Variants in TMEM117 observed in about 807,000 individuals in gnomAD.
TMEM117 encodes transmembrane protein 117.
In TMEM117, 27 loss-of-function variants were observed where a neutral mutation model predicts 52.4. The observed-to-expected ratio is 0.51, with a 90% CI of 0.38 to 0.71. TMEM117 has a LOEUF of 0.71. Ranked by LOEUF, TMEM117 falls within the 30% of genes least tolerant of loss-of-function variation. The probability of loss-of-function intolerance (pLI) is 0.00; values close to 1 mark genes in which losing one functional copy is unlikely to be tolerated. For missense variants in TMEM117, 556 were observed against 630.5 expected (o/e 0.88, Z 1.26); for synonymous variants, 215 against 206.3 (o/e 1.04, Z -0.36).
intron 6 of TMEM117, among the ~76,000 whole-genome samples, chr12:44,311,785 A>G (rs868767836): frequency 1.6e-4 from 3 of 18,236 alleles, no homozygotes; most frequent in African/African-American, 3.1e-4. Flanking sequence ...ATGTGTATAT[A>G]TGTATATATA....
At chr12:44,337,997 A>T (rs1288660030) in intron 6 of TMEM117, among the ~76,000 whole-genome samples, 1 of 152,108 alleles carries the variant, frequency 6.6e-6, no homozygotes, top group Non-Finnish European at 1.5e-5. Context: ...AGCACTATTG[A>T]TTTCTGATTT....
chr12:44,337,220 T>C (rs1232734257), intron 6 of TMEM117, among the ~76,000 whole-genome samples: 2 of 152,012 alleles, frequency 1.3e-5, no homozygotes, highest in Non-Finnish European at 2.9e-5. Context: ...AGGGCTGCTC[T>C]CTGCTTCCAA....
chr12:44,220,506 G>A (rs967465912), intron 5 of TMEM117, among the ~76,000 whole-genome samples: 2 of 152,044 alleles, frequency 1.3e-5, no homozygotes, highest in Non-Finnish European at 2.9e-5. Flanking sequence ...ATAGTTACAG[G>A]GATAATTGTA....
chr12:44,271,231 G>A lies in TMEM117; in HGVS notation c.609-28349G>A, dbSNP rs550328460. Among the ~76,000 whole-genome samples, 101 of 151,954 alleles carry A rather than the reference G, an allele frequency of 6.6e-4. 1 individual carries two copies. Among genetic ancestry groups the A allele is most frequent in the Non-Finnish European group, 1.4e-3 (92 of 67,864 alleles). On this transcript the variant is annotated intron_variant, in intron 5 of 7. Coordinates refer to ENST00000266534, the MANE Select transcript of TMEM117 (RefSeq NM_032256.3). ...GGATGTGTTTGAAAAGTGAGTATAT[G>A]GGTATAGTAATATAATTTTAACTAC...
chr12:43,822,479 C>CT, the TMEM117 span, among the ~76,000 whole-genome samples: 4,182 of 134,746 alleles, frequency 0.031, 79 homozygotes, highest in East Asian at 0.083. Flanking sequence ...CTTTAAATAT[C>CT]TTTTTTTTTT....
At chr12:44,264,785 T>C (rs1030733670) in intron 5 of TMEM117, among the ~76,000 whole-genome samples, 5 of 152,136 alleles carry the variant, frequency 3.3e-5, no homozygotes, top group Admixed American at 6.6e-5. Flanking sequence ...ATCATTTATA[T>C]GGATGATCAC....
At chr12:44,395,463 A>G in the TMEM117 span, among the ~76,000 whole-genome samples, 1 of 152,194 alleles carries the variant, frequency 6.6e-6, no homozygotes, top group Non-Finnish European at 1.5e-5. Context: ...CCACACTTGT[A>G]CCAGAATAAT....
chr12:44,036,929 A>G (rs1182043481), intron 3 of TMEM117, among the ~76,000 whole-genome samples: 1 of 152,182 alleles, frequency 6.6e-6, no homozygotes, highest in Non-Finnish European at 1.5e-5. Flanking sequence ...AATTTCCCTG[A>G]TTACAAATGA....
At chr12:44,033,548 G>A (rs1040917423) in intron 3 of TMEM117, among the ~76,000 whole-genome samples, 1 of 152,094 alleles carries the variant, frequency 6.6e-6, no homozygotes, top group Non-Finnish European at 1.5e-5. Context: ...TGTCCTAGCT[G>A]GAAAGCCAAC....
chr12:44,388,481 A>G lies in TMEM117; in HGVS notation c.1354A>G (p.Asn452Asp). ...HSKDMGITRE[N>D]TQASVEDPLN... Reference sequence around the variant, plus strand: ...CAAAGACATGGGAATCACTCGAGAAAACACCCAGGCTTCAGTAGAAGACCC... The same window carrying G: ...CAAAGACATGGGAATCACTCGAGAAGACACCCAGGCTTCAGTAGAAGACCC... Residue 452 changes from asparagine to aspartate, a missense_variant, in exon 8 of 8, where the codon AAC (asparagine) becomes GAC (aspartate). Physicochemically the swap from Asn to Asp is conservative, Grantham distance 23. Coordinates refer to ENST00000266534, the MANE Select transcript of TMEM117 (RefSeq NM_032256.3). 1 of 1,613,452 alleles carries G rather than the reference A, an allele frequency of 6.2e-7. No individual in the cohort carries two copies. The highest frequency in any genetic ancestry group is 1.1e-5 in the South Asian group (1 of 91,064).
intron 6 of TMEM117, among the ~76,000 whole-genome samples, chr12:44,365,225 C>T (rs764869992): frequency 1.3e-5 from 2 of 152,006 alleles, no homozygotes; most frequent in Non-Finnish European, 1.5e-5. Flanking sequence ...CATAGGACCA[C>T]TTCCATTCCT....
chr12:44,178,411 C>T (rs1049725163), intron 4 of TMEM117, among the ~76,000 whole-genome samples: 11 of 150,204 alleles, frequency 7.3e-5, no homozygotes, highest in South Asian at 6.8e-4. Flanking sequence ...TTTTAATAGA[C>T]GTTTTCATCC....
chr12:44,388,374 G>T lies in TMEM117; in HGVS notation c.1247G>T (p.Arg416Leu). 6.2e-7 allele frequency: 1 copy of T among 1,613,358 alleles called. No homozygotes were observed. The highest frequency in any genetic ancestry group is 8.5e-7 in the Non-Finnish European group (1 of 1,179,636). ...WFGFFIWFFG[R>L]FLKNEPRMEN... ...GGATTCTTTATTTGGTTCTTTGGAC[G>T]ATTTTTGAAAAATGAGCCACGCATG... Residue 416 changes from arginine (R) to leucine (L), a missense_variant, in exon 8 of 8, where the codon CGA becomes CTA. Arg to Leu is a moderately radical substitution (Grantham distance 102). Coordinates refer to ENST00000266534, the MANE Select transcript of TMEM117 (RefSeq NM_032256.3).
At chr12:44,090,246 A>T (rs1262849739) in intron 3 of TMEM117, among the ~76,000 whole-genome samples, 1 of 151,952 alleles carries the variant, frequency 6.6e-6, no homozygotes, top group African/African-American at 2.4e-5. Context: ...TGTGATGCTG[A>T]GGTTTGGGCT....
chr12:44,044,699 A>G (rs1946853480), intron 3 of TMEM117, among the ~76,000 whole-genome samples: 2 of 151,818 alleles, frequency 1.3e-5, no homozygotes, highest in Non-Finnish European at 2.9e-5. Context: ...ATGGCTTTGC[A>G]TGATACACAG....
chr12:44,115,405 T>A (rs77945678), intron 3 of TMEM117, among the ~76,000 whole-genome samples: 11,175 of 152,142 alleles, frequency 0.073, 578 homozygotes, highest in Middle Eastern at 0.16. Context: ...CATGTATACA[T>A]ATGTACCAAA....
At chr12:43,824,087 T>C in the TMEM117 span, among the ~76,000 whole-genome samples, 1 of 152,236 alleles carries the variant, frequency 6.6e-6, no homozygotes, top group Non-Finnish European at 1.5e-5. Context: ...TAGCTAATAT[T>C]GTGATGTAAT....
intron 2 of TMEM117, among the ~76,000 whole-genome samples, chr12:43,898,065 CA>C (rs1944240593): frequency 1.3e-5 from 2 of 151,894 alleles, no homozygotes; most frequent in African/African-American, 4.8e-5. Context: ...CACACACACA[CA>C]CACACCGATT....
intron 5 of TMEM117, among the ~76,000 whole-genome samples, chr12:44,227,866 G>A (rs1318452397): frequency 6.6e-6 from 1 of 152,114 alleles, no homozygotes; most frequent in African/African-American, 2.4e-5. Context: ...CTTTTCCCAA[G>A]GCCCAGGATA....
Sources: allele counts gnomAD v4.1 joint callset (sites outside exome capture counted in the v4.1 genomes callset), GRCh38; gene constraint gnomAD v4.1.1; transcripts MANE v1.5; gene names NCBI Gene and HGNC (gene_info 2026-07-23, HGNC 2026-07-21).